The following COL5A1 variants were observed in gnomAD, a reference collection of about 807,000 sequenced individuals.
COL5A1 encodes collagen alpha-1(V) chain.
Under a neutral mutation model 263.7 loss-of-function variants are expected in COL5A1, and 16 were observed. The ratio of observed to expected loss-of-function variants is 0.06; its 90% CI spans 0.04 to 0.09. COL5A1 has a LOEUF of 0.09. COL5A1 is among the 10% of genes least tolerant of loss of function. The pLI is 1.00. For synonymous variants in COL5A1, 1,012 were observed against 1,004.5 expected (o/e 1.01, Z -0.14); for missense variants, 2,036 against 2,540.5 (o/e 0.80, Z 4.27).
chr9:134,731,372 G>A, intron 7 of COL5A1, 124 bp from the exon 8 acceptor site: 5 of 983,980 alleles, frequency 5.1e-6, no homozygotes, highest in South Asian at 4.2e-5. Context: ...CCAGCACAGG[G>A]CCTGATGGAT....
At chr9:134,762,441 G>A (rs774878447) in intron 19 of COL5A1, among the ~76,000 whole-genome samples, 2 of 152,366 alleles carry the variant, frequency 1.3e-5, no homozygotes, top group Non-Finnish European at 1.5e-5. Flanking sequence ...TGGAGGTAGG[G>A]GAGCGAGTGG....
chr9:134,679,637 AGGGGGCACTGCG>A (rs1832791946), intron 1 of COL5A1, among the ~76,000 whole-genome samples: 19 of 12,108 alleles, frequency 1.6e-3, no homozygotes, highest in African/African-American at 5.1e-3. Context: ...GGGGCTTCTT[AGGGGGCACTGCG>A]GGGCTGGTTG....
Position 134,730,286 on chromosome 9 carries a change from A to G in COL5A1, c.975A>G (p.Glu325=), listed in dbSNP as rs1564416593. 3.7e-6 allele frequency: 6 copies of G among 1,614,190 alleles called. No homozygotes were observed. The highest frequency in any genetic ancestry group is 3.4e-6 in the Non-Finnish European group (4 of 1,180,034). Residue 325 remains glutamate, a synonymous_variant, in exon 7 of 66, where the codon GAA becomes GAG. Coordinates refer to ENST00000371817, the MANE Select transcript of COL5A1 (RefSeq NM_000093.5). ...CTGCTCCCATGCCTGAAACCAGTGA[A>G]GGGGCTGGGAAGGAAGAGGACGTCG... The part of the protein sequence containing the change: ...TEAAPMPETS[E]GAGKEEDVGI...
At chr9:134,826,491 G>A (rs1274747814) in intron 63 of COL5A1, among the ~76,000 whole-genome samples, 1 of 152,208 alleles carries the variant, frequency 6.6e-6, no homozygotes, top group Non-Finnish European at 1.5e-5. Flanking sequence ...TGTAGCAGGA[G>A]TTTGTGTGCA....
intron 11 of COL5A1, among the ~76,000 whole-genome samples, chr9:134,744,166 T>TCCC (rs1046869084): frequency 5.3e-5 from 8 of 152,154 alleles, no homozygotes; most frequent in Admixed American, 5.2e-4. Flanking sequence ...CTTTCCTGGC[T>TCCC]CCCAGGCTCC....
intron 13 of COL5A1, among the ~76,000 whole-genome samples, 166 bp from the exon 14 acceptor site, chr9:134,752,423 G>A (rs112206433): frequency 5.9e-5 from 8 of 134,860 alleles, no homozygotes; most frequent in Admixed American, 6.9e-5. Flanking sequence ...CGAAGTCGGG[G>A]GGGGGGGGCC....
chr9:134,839,330 G>A (rs79416662), intron 65 of COL5A1, among the ~76,000 whole-genome samples: 136 of 152,298 alleles, frequency 8.9e-4, no homozygotes, highest in African/African-American at 3.1e-3. Context: ...GTAACAGAGC[G>A]GCTCGCAGCG....
Position 134,789,322 on chromosome 9 carries a change from C to A in COL5A1, c.2700+114C>A. ...TCTCACTCTCTTGCTTCTGAAACTG[C>A]TCTCCTGAATGGCTGGCCTTAAGCT... On this transcript the variant is annotated intron_variant, in intron 32 of 65. Coordinates refer to ENST00000371817, the MANE Select transcript of COL5A1 (RefSeq NM_000093.5). This position sits in a 1 kb window ranked among gnomAD's most constrained non-coding sequence, Gnocchi z 4.8. The A allele has an allele frequency of 1.1e-6, 1 of 869,660 alleles. No individual in the cohort carries two copies. The highest frequency in any genetic ancestry group is 1.9e-6 in the Non-Finnish European group (1 of 534,088). The allele number at this position is 869,660 out of a possible 1,614,324, so 53.9% of individuals were successfully genotyped here. A position where few individuals can be genotyped will look rare whatever the true frequency, so the allele number is the denominator to read the frequency against.
intron 26 of COL5A1, among the ~76,000 whole-genome samples, chr9:134,774,567 C>T (rs1422226257): frequency 1.3e-5 from 2 of 152,212 alleles, no homozygotes; most frequent in Admixed American, 6.5e-5. Flanking sequence ...GACCTTTCAC[C>T]GTCTCACTGT....
chr9:134,787,888 G>A (rs1837521014), intron 31 of COL5A1, among the ~76,000 whole-genome samples: 1 of 152,212 alleles, frequency 6.6e-6, no homozygotes, highest in African/African-American at 2.4e-5. Context: ...GGCAGGGGAG[G>A]GAGCATGATG....
At chr9:134,650,184 T>TA (rs113104603) in intron 1 of COL5A1, among the ~76,000 whole-genome samples, 4,720 of 152,178 alleles carry the variant, frequency 0.031, 223 homozygotes, top group African/African-American at 0.1. Flanking sequence ...TAAAGTATAA[T>TA]AAAAAAAATT....
At chr9:134,689,825 AG>A (rs780618213) in intron 1 of COL5A1, among the ~76,000 whole-genome samples, 1 of 124,690 alleles carries the variant, frequency 8.0e-6, no homozygotes, top group African/African-American at 2.5e-5. Context: ...TCCAACTCCC[AG>A]GCCGCCCCAA....
intron 10 of COL5A1, 70 bp downstream of exon 10, chr9:134,738,585 TATGTCTCCTGG>T: frequency 6.3e-7 from 1 of 1,577,694 alleles, no homozygotes; most frequent in Non-Finnish European, 8.7e-7. Flanking sequence ...TGACACCCCT[TATGTCTCCTGG>T]ATGGAAAAGA....
rs1266079881 is a variant in COL5A1, at chr9:134,812,430, G to T, written c.3691-19G>T. 6.2e-7 allele frequency: 1 copy of T among 1,613,590 alleles called. No homozygotes were observed. Among genetic ancestry groups the T allele is most frequent in the Non-Finnish European group, 8.5e-7 (1 of 1,179,666 alleles). On this transcript the variant is annotated intron_variant, in intron 46 of 65. Coordinates refer to ENST00000371817, the MANE Select transcript of COL5A1 (RefSeq NM_000093.5). Reference sequence around the variant, plus strand: ...CACATGACAGAACAGCGCTTAACTGGGAAGTTTCCTGTTCTCAGGGTTTGC... The same window carrying T: ...CACATGACAGAACAGCGCTTAACTGTGAAGTTTCCTGTTCTCAGGGTTTGC...
At chr9:134,774,646 C>G (rs140278417) in intron 26 of COL5A1, among the ~76,000 whole-genome samples, 1 of 152,200 alleles carries the variant, frequency 6.6e-6, no homozygotes, top group Non-Finnish European at 1.5e-5. Flanking sequence ...CTCTGTGTCC[C>G]GCTCAGCATG....
intron 49 of COL5A1, 108 bp from the exon 50 acceptor site, chr9:134,814,689 A>G: frequency 1.2e-6 from 1 of 854,334 alleles, no homozygotes; most frequent in Non-Finnish European, 1.9e-6. Context: ...CTCAGCAGAT[A>G]CTTGGAAAGG....
At chr9:134,766,637 C>T in intron 22 of COL5A1, 139 bp downstream of exon 22, 1 of 860,166 alleles carries the variant, frequency 1.2e-6, no homozygotes, top group Non-Finnish European at 1.8e-6. Context: ...CTGTGGTGCC[C>T]ACCCTCCAGT....
At chr9:134,675,554 C>T (rs1233789681) in intron 1 of COL5A1, among the ~76,000 whole-genome samples, 5 of 152,160 alleles carry the variant, frequency 3.3e-5, no homozygotes, top group Non-Finnish European at 5.9e-5. Context: ...TCTATTGCTG[C>T]GGAACAATCA....
chr9:134,735,538 G>A (rs1171918939), intron 9 of COL5A1, among the ~76,000 whole-genome samples: 1 of 152,190 alleles, frequency 6.6e-6, no homozygotes, highest in Non-Finnish European at 1.5e-5. Flanking sequence ...ACCCTCAGGC[G>A]CATTCATCCA....
Sources: allele counts gnomAD v4.1 joint callset (sites outside exome capture counted in the v4.1 genomes callset), GRCh38; gene constraint gnomAD v4.1.1; non-coding constraint Gnocchi (gnomAD v3.1); transcripts MANE v1.5; gene names NCBI Gene and HGNC (gene_info 2026-07-23, HGNC 2026-07-21).